Variants in UNC79 observed in about 807,000 individuals in gnomAD.
The protein encoded by UNC79 is unc-79 subunit of NALCN channel complex.
In UNC79, 37 loss-of-function variants were observed where a neutral mutation model predicts 283.1. That is an observed-to-expected ratio of 0.13 (90% CI 0.10 to 0.17). The LOEUF (loss-of-function observed/expected upper bound fraction) is 0.17, where lower values mean the gene tolerates loss of function less well. Among genes scored for constraint, UNC79 ranks in the 10% least tolerant of loss-of-function variants. The pLI is 1.00. For synonymous variants in UNC79, 1,107 were observed against 1,200.2 expected (o/e 0.92, Z 1.61); for missense variants, 2,272 against 3,211.1 (o/e 0.71, Z 7.07).
intron 14 of UNC79, among the ~76,000 whole-genome samples, chr14:93,549,211 A>C (rs1311119856): frequency 6.6e-6 from 1 of 152,226 alleles, no homozygotes; most frequent in African/African-American, 2.4e-5. Context: ...AAGTTACCAA[A>C]AAGATTCTGA....
chr14:93,521,929 C>G (rs1274512069), intron 7 of UNC79, among the ~76,000 whole-genome samples: 1 of 151,146 alleles, frequency 6.6e-6, no homozygotes, highest in African/African-American at 2.4e-5. Context: ...ACATTGGTTC[C>G]AGACATCATA....
intron 42 of UNC79, 38 bp from the exon 46 acceptor site, chr14:93,686,534 A>G (rs1349602566): frequency 6.2e-7 from 1 of 1,609,076 alleles, no homozygotes. Flanking sequence ...GTCAGGGCAA[A>G]AATGAAGGTG....
Position 93,419,702 on chromosome 14 carries a change from G to A in UNC79, c.-350-47969G>A, listed in dbSNP as rs1033104879. Among the ~76,000 whole-genome samples, 5 of 151,540 alleles carry A rather than the reference G, an allele frequency of 3.3e-5. 1 individual carries two copies. Among genetic ancestry groups the A allele is most frequent in the African/African-American group, 1.2e-4 (5 of 41,320 alleles). ...ATGGGTTATAAGATAGTATTTGTAG[G>A]CCTCATGGTAACCCTTAAATAAAAA... On this transcript the variant is annotated intron_variant, in intron 1 of 49. Transcript: ENST00000256339.
intron 1 of UNC79, among the ~76,000 whole-genome samples, chr14:93,413,428 G>C (rs2055378255): frequency 6.6e-6 from 1 of 150,804 alleles, no homozygotes; most frequent in Non-Finnish European, 1.5e-5. Context: ...GTCTATCATT[G>C]TTGGCCATTT....
chr14:93,637,197 A>G lies in UNC79; in HGVS notation c.5717-19A>G, dbSNP rs561095061. 9.7e-7 allele frequency: 1 copy of G among 1,033,784 alleles called. No individual in the cohort carries two copies. Among genetic ancestry groups the G allele is most frequent in the South Asian group, 1.3e-5 (1 of 79,506 alleles). 64.0% of individuals were successfully genotyped at this position (1,033,784 alleles called of 1,614,324 possible). A position where few individuals can be genotyped will look rare whatever the true frequency, so the allele number is the denominator to read the frequency against. On this transcript the variant is annotated intron_variant, in intron 31 of 48. Transcript: ENST00000555664. The stretch of plus-strand genomic sequence containing the variant: ...TAAGATGACCACATCAAAGACTGAA[A>G]CCCTCTATTTATCCACAGAACAGAT...
chr14:93,616,075 G>T (rs536482947), intron 27 of UNC79, among the ~76,000 whole-genome samples: 1 of 152,036 alleles, frequency 6.6e-6, no homozygotes, highest in Admixed American at 6.5e-5. Flanking sequence ...TGAGATTTTG[G>T]TGCAACCTTT....
chr14:93,655,435 A>G (rs754519088), intron 38 of UNC79, 28 bp downstream of exon 41: 2 of 1,605,934 alleles, frequency 1.2e-6, no homozygotes. Context: ...TTTCATTTTC[A>G]ATTAATTTCT....
intron 4 of UNC79, among the ~76,000 whole-genome samples, chr14:93,478,984 T>C (rs1217996495): frequency 6.6e-6 from 1 of 152,222 alleles, no homozygotes; most frequent in African/African-American, 2.4e-5. Context: ...TCAAAAAAAT[T>C]AGCAGACTGA....
chr14:93,407,708 A>G (rs750261764), intron 1 of UNC79, among the ~76,000 whole-genome samples: 23 of 152,216 alleles, frequency 1.5e-4, no homozygotes, highest in Non-Finnish European at 2.8e-4. Context: ...GTCTCAGTCC[A>G]GAAAATTTGG....
At chr14:93,373,166 G>A (rs990539309) in intron 1 of UNC79, among the ~76,000 whole-genome samples, 3 of 152,172 alleles carry the variant, frequency 2.0e-5, no homozygotes, top group Non-Finnish European at 2.9e-5. Flanking sequence ...CAAAAGTAGA[G>A]CTTACAGGAA....
chr14:93,458,511 A>C (rs1441537606), intron 1 of UNC79, among the ~76,000 whole-genome samples: 1 of 152,198 alleles, frequency 6.6e-6, no homozygotes, highest in Non-Finnish European at 1.5e-5. Flanking sequence ...GCAGGAAAAA[A>C]ATGAGTACTG....
upstream of UNC79, among the ~76,000 whole-genome samples, chr14:93,425,770 A>G (rs1293250796): frequency 6.6e-6 from 1 of 152,232 alleles, no homozygotes; most frequent in Non-Finnish European, 1.5e-5. Context: ...AACTTTTAGA[A>G]TGAAATATAA....
At chr14:93,466,182 A>C (rs1195227884) in intron 1 of UNC79, among the ~76,000 whole-genome samples, 1 of 152,226 alleles carries the variant, frequency 6.6e-6, no homozygotes, top group Non-Finnish European at 1.5e-5. Context: ...TATTATCTGC[A>C]ATCTAGACTT....
intron 1 of UNC79, among the ~76,000 whole-genome samples, chr14:93,454,972 AATG>A (rs1359822553): frequency 6.6e-6 from 1 of 152,184 alleles, no homozygotes; most frequent in Admixed American, 6.5e-5. Context: ...TGATGATGCT[AATG>A]ATGATGATAG....
intron 26 of UNC79, among the ~76,000 whole-genome samples, chr14:93,611,994 A>G (rs1307945231): frequency 3.9e-5 from 6 of 152,242 alleles, no homozygotes; most frequent in Non-Finnish European, 8.8e-5. Flanking sequence ...TCTGACTTTG[A>G]AAAATAACAG....
At chr14:93,620,388 G>A (rs916599025) in intron 29 of UNC79, among the ~76,000 whole-genome samples, 1 of 152,136 alleles carries the variant, frequency 6.6e-6, no homozygotes, top group African/African-American at 2.4e-5. Flanking sequence ...CACCGTATAA[G>A]GTGCATGTAC....
intron 22 of UNC79, among the ~76,000 whole-genome samples, chr14:93,588,468 C>T (rs535886970): frequency 5.3e-5 from 8 of 152,216 alleles, no homozygotes; most frequent in South Asian, 4.2e-4. Context: ...CGGCCAGGTG[C>T]GATGGCTCAT....
intron 1 of UNC79, among the ~76,000 whole-genome samples, chr14:93,462,648 A>G (rs1246836153): frequency 1.3e-5 from 2 of 152,148 alleles, no homozygotes; most frequent in Non-Finnish European, 2.9e-5. Context: ...CAGTTGGGAG[A>G]TGTATTTGAT....
chr14:93,477,765 T>A, intron 4 of UNC79, 37 bp downstream of exon 4: 1 of 1,575,676 alleles, frequency 6.3e-7, no homozygotes, highest in South Asian at 1.2e-5. Flanking sequence ...ATTATTTTTA[T>A]GTATGATATG....
Sources: gnomAD v4.1 joint callset for allele counts (sites outside exome capture counted in the v4.1 genomes callset) on GRCh38, gnomAD v4.1.1 for gene constraint, MANE v1.5 for transcripts, NCBI Gene and HGNC (gene_info 2026-07-23, HGNC 2026-07-21) for gene names.